KCNIP4: variants seen among roughly 807,000 people sequenced by gnomAD.
KCNIP4 encodes potassium voltage-gated channel interacting protein 4, also known as Kv channel-interacting protein 4.
KCNIP4 carries 12 observed loss-of-function variants against 34.0 expected under a neutral mutation model. The ratio of observed to expected loss-of-function variants is 0.35; its 90% CI spans 0.23 to 0.57. The LOEUF (loss-of-function observed/expected upper bound fraction) is 0.57. Among genes scored for constraint, KCNIP4 ranks in the 20% least tolerant of loss-of-function variants. KCNIP4 has a pLI of 0.83. For synonymous variants in KCNIP4, 124 were observed against 102.2 expected (o/e 1.21, Z -1.29); for missense variants, 238 against 311.7 (o/e 0.76, Z 1.78).
intron 1 of KCNIP4, among the ~76,000 whole-genome samples, chr4:21,551,472 T>C (rs1738579435): frequency 6.6e-6 from 1 of 152,126 alleles, no homozygotes; most frequent in South Asian, 2.1e-4. Context: ...ATCTTTGAAG[T>C]TGCTACAGTT....
chr4:20,896,743 T>C (rs1726576738), intron 1 of KCNIP4, among the ~76,000 whole-genome samples: 1 of 152,196 alleles, frequency 6.6e-6, no homozygotes, highest in Non-Finnish European at 1.5e-5. Context: ...TTTGTGGAAA[T>C]TTGTTACAGC....
intron 1 of KCNIP4, among the ~76,000 whole-genome samples, chr4:21,841,291 T>C (rs1006827329): frequency 6.6e-6 from 1 of 152,124 alleles, no homozygotes; most frequent in South Asian, 2.1e-4. Flanking sequence ...GATCATTTAA[T>C]CCAAACTCAG....
At chr4:21,208,667 T>C (rs1757018593) in intron 1 of KCNIP4, among the ~76,000 whole-genome samples, 1 of 152,202 alleles carries the variant, frequency 6.6e-6, no homozygotes, top group African/African-American at 2.4e-5. Context: ...GCAATTACCG[T>C]GCCTATTGAA....
At chr4:21,577,688 T>A (rs547339298) in intron 1 of KCNIP4, among the ~76,000 whole-genome samples, 1 of 152,114 alleles carries the variant, frequency 6.6e-6, no homozygotes, top group Non-Finnish European at 1.5e-5. Context: ...ATGCAGTATA[T>A]TCTTTGGTGC....
At chr4:21,054,893 C>G (rs1743271430) in intron 1 of KCNIP4, among the ~76,000 whole-genome samples, 1 of 152,050 alleles carries the variant, frequency 6.6e-6, no homozygotes, top group African/African-American at 2.4e-5. Flanking sequence ...AAGGCATGAT[C>G]TATGTTGGAA....
chr4:21,033,515 C>T (rs771060978), intron 1 of KCNIP4, among the ~76,000 whole-genome samples: 30 of 152,248 alleles, frequency 2.0e-4, no homozygotes, highest in Admixed American at 1.9e-3. Flanking sequence ...GCATACTCTT[C>T]GTGTTATGTC....
chr4:21,768,270 TAATAA>T (rs1182297303), intron 1 of KCNIP4, among the ~76,000 whole-genome samples: 11 of 152,118 alleles, frequency 7.2e-5, no homozygotes, highest in Non-Finnish European at 1.3e-4. Context: ...TAACTAATAA[TAATAA>T]AATAAGTATG....
chr4:21,928,127 T>TATATATACACAC (rs141651426), intron 1 of KCNIP4, among the ~76,000 whole-genome samples: 199 of 143,964 alleles, frequency 1.4e-3, no homozygotes, highest in Admixed American at 4.7e-3. Flanking sequence ...TATATATATA[T>TATATATACACAC]ACACACACAC....
intron 1 of KCNIP4, among the ~76,000 whole-genome samples, chr4:21,297,396 C>A (rs1010828945): frequency 2.0e-5 from 3 of 152,068 alleles, no homozygotes; most frequent in Non-Finnish European, 4.4e-5. Flanking sequence ...CTATTTCTAA[C>A]CTTAAAGTTA....
chr4:20,900,151 A>G (rs985057859), intron 1 of KCNIP4, among the ~76,000 whole-genome samples: 2 of 152,158 alleles, frequency 1.3e-5, no homozygotes, highest in African/African-American at 2.4e-5. Context: ...AATCTATCAG[A>G]TTCTCCAGCT....
chr4:21,438,818 A>G (rs752586713), intron 1 of KCNIP4, among the ~76,000 whole-genome samples: 6 of 152,010 alleles, frequency 3.9e-5, no homozygotes, highest in Non-Finnish European at 8.8e-5. Flanking sequence ...ATTTCAGGAG[A>G]ATTTCAGGGG....
chr4:21,135,666 T>C (rs919052486), intron 1 of KCNIP4, among the ~76,000 whole-genome samples: 9 of 152,002 alleles, frequency 5.9e-5, no homozygotes, highest in African/African-American at 2.2e-4. Context: ...TTTTTAAGAG[T>C]GTATGGGTAG....
chr4:20,937,456 G>C (rs1033928768), intron 1 of KCNIP4, among the ~76,000 whole-genome samples: 1 of 150,388 alleles, frequency 6.6e-6, no homozygotes, highest in African/African-American at 2.4e-5. Context: ...GGATGGTCTC[G>C]ATCTCCTGAC....
chr4:21,651,824 T>A (rs1287884176), intron 1 of KCNIP4, among the ~76,000 whole-genome samples: 2 of 152,152 alleles, frequency 1.3e-5, no homozygotes, highest in Admixed American at 6.5e-5. Context: ...CTCAGGTAAG[T>A]TATTGAACTT....
chr4:21,116,459 C>A (rs1749684563), intron 1 of KCNIP4, among the ~76,000 whole-genome samples: 1 of 152,192 alleles, frequency 6.6e-6, no homozygotes, highest in Non-Finnish European at 1.5e-5. Flanking sequence ...GTGACTACAA[C>A]TTCCTGTCTC....
chr4:21,680,749 C>A (rs1401839012), intron 1 of KCNIP4, among the ~76,000 whole-genome samples: 1 of 152,172 alleles, frequency 6.6e-6, no homozygotes, highest in Non-Finnish European at 1.5e-5. Context: ...TGAGCAGTAA[C>A]ATTTTGAAAG....
chr4:21,351,564 T>C (rs1019104820), intron 1 of KCNIP4, among the ~76,000 whole-genome samples: 1 of 152,180 alleles, frequency 6.6e-6, no homozygotes, highest in Non-Finnish European at 1.5e-5. Context: ...TGTGAGAACA[T>C]ACTAATACAG....
At chr4:21,223,002 C>A (rs570253390) in intron 1 of KCNIP4, among the ~76,000 whole-genome samples, 26 of 152,180 alleles carry the variant, frequency 1.7e-4, no homozygotes, top group Non-Finnish European at 3.4e-4. Flanking sequence ...GAATACTGGC[C>A]TCCCAAAGAT....
chr4:20,945,863 G>C (rs1317225627), intron 1 of KCNIP4, among the ~76,000 whole-genome samples: 1 of 152,168 alleles, frequency 6.6e-6, no homozygotes, highest in Non-Finnish European at 1.5e-5. Flanking sequence ...ACACGTAACA[G>C]GTTAGAGGTG....
Sources: gnomAD v4.1 joint callset for allele counts (sites outside exome capture counted in the v4.1 genomes callset) on GRCh38, gnomAD v4.1.1 for gene constraint, MANE v1.5 for transcripts, NCBI Gene and HGNC (gene_info 2026-07-23, HGNC 2026-07-21) for gene names.